SPC25: variants seen among roughly 807,000 people sequenced by gnomAD.
The protein encoded by SPC25 is kinetochore protein Spc25.
SPC25 carries 22 observed loss-of-function variants against 29.6 expected under a neutral mutation model. That is an observed-to-expected ratio of 0.74 (90% confidence interval 0.53 to 1.06). The LOEUF is 1.06. Among genes scored for constraint, SPC25 ranks in the 50% least tolerant of loss-of-function variants. The pLI is 0.00. For missense variants in SPC25, 230 were observed against 255.8 expected (o/e 0.90, Z 0.69); for synonymous variants, 91 against 90.4 (o/e 1.01, Z -0.04).
At chr2:168,869,183 A>C (rs546509869), downstream of SPC25, among the ~76,000 whole-genome samples, 31 of 152,344 alleles carry the variant, frequency 2.0e-4, no homozygotes, top group African/African-American at 6.7e-4. Context: ...CTCTCAATAA[A>C]TTAGGTATTG....
intron 3 of SPC25, among the ~76,000 whole-genome samples, chr2:168,886,872 A>G (rs1360617308): frequency 6.6e-6 from 1 of 152,160 alleles, no homozygotes; most frequent in Non-Finnish European, 1.5e-5. Flanking sequence ...TAGATTTTAG[A>G]CTATATAGAG....
At chr2:168,881,440 C>T (rs1222894208) in intron 3 of SPC25, among the ~76,000 whole-genome samples, 3 of 152,140 alleles carry the variant, frequency 2.0e-5, no homozygotes, top group Non-Finnish European at 2.9e-5. Context: ...AAGATACAAC[C>T]GCTGCTACTT....
rs368899029 is a variant in SPC25, at chr2:168,872,786, A to G, written c.550+799T>C. On this transcript the variant is annotated intron_variant, in intron 6 of 6. Transcript: ENST00000282074. ...TATTTATCTAGAGAGAAAAAAACCC[A>G]AACATCTGTATAAGAAATCAGATTC... Among the ~76,000 whole-genome samples, 13 of 152,198 alleles carry G rather than the reference A, an allele frequency of 8.5e-5. No homozygotes were observed. In the East Asian group the frequency reaches 1.3e-3, roughly 16 times the overall value.
Position 168,877,298 on chromosome 2 carries a change from A to G in SPC25, c.286T>C (p.Leu96=), listed in dbSNP as rs375475089. 2.4e-5 allele frequency: 39 copies of G among 1,613,772 alleles called. No homozygotes were observed. Among genetic ancestry groups the G allele is most frequent in the Admixed American group, 1.2e-4 (7 of 59,972 alleles). Residue 96 remains leucine, a synonymous_variant, in exon 4 of 7, where the codon TTG becomes CTG. Transcript: ENST00000282074. ...TGGATATTTGCAGTCAGTACTTCCA[A>G]TTCCTGCTTTTTGCCTTTTACTTCA... The part of the protein sequence containing the change: ...IAEVKGKKQE[L]EVLTANIQDL...
At chr2:168,871,960 TAA>T (rs35221029) in intron 6 of SPC25, among the ~76,000 whole-genome samples, 4 of 144,104 alleles carry the variant, frequency 2.8e-5, no homozygotes, top group African/African-American at 2.5e-5. Context: ...CCACTGGAAT[TAA>T]AAAAAAAAAA....
chr2:168,862,446 T>C (rs1415541821), intron 4 of SPC25, among the ~76,000 whole-genome samples: 1 of 152,188 alleles, frequency 6.6e-6, no homozygotes, highest in Non-Finnish European at 1.5e-5. Context: ...TAGGGTAGAA[T>C]GTCAGTGATG....
chr2:168,869,064 A>G (rs1005392702), downstream of SPC25, among the ~76,000 whole-genome samples: 22 of 152,232 alleles, frequency 1.4e-4, no homozygotes, highest in Admixed American at 1.0e-3. Context: ...ACGAAAATCA[A>G]TAAACGTAAT....
downstream of SPC25, among the ~76,000 whole-genome samples, chr2:168,869,539 C>T (rs903560734): frequency 6.6e-6 from 1 of 152,154 alleles, no homozygotes; most frequent in East Asian, 1.9e-4. Context: ...GTGCAAAAAT[C>T]ACAAGCATTT....
downstream of SPC25, among the ~76,000 whole-genome samples, chr2:168,867,383 C>G (rs1414490980): frequency 6.6e-6 from 1 of 152,128 alleles, no homozygotes; most frequent in East Asian, 1.9e-4. Flanking sequence ...TCACACATGA[C>G]AATATTAACT....
Position 168,870,978 on chromosome 2 carries a change from C to T in SPC25, c.*453G>A, listed in dbSNP as rs1422978257. 1 of 151,954 alleles carries T rather than the reference C, an allele frequency of 6.6e-6. No individual in the cohort carries two copies. Among genetic ancestry groups the T allele is most frequent in the Non-Finnish European group, 1.5e-5 (1 of 68,092 alleles). The allele number at this position is 151,954 out of a possible 1,614,324, so 9.4% of individuals were successfully genotyped here. On this transcript the variant is annotated 3_prime_UTR_variant, in exon 7 of 7. Transcript: ENST00000282074. ...AACCCAAATGTCCAACAATGATAGACTGGATTAAGAAAATGTGGCACATAT... is the reference window on the plus strand; with the variant it reads ...AACCCAAATGTCCAACAATGATAGATTGGATTAAGAAAATGTGGCACATAT...
chr2:168,873,731 T>TA, intron 5 of SPC25, 48 bp from the exon 6 acceptor site: 1 of 1,173,686 alleles, frequency 8.5e-7, no homozygotes. Flanking sequence ...TCAATGGAGA[T>TA]ACCCTTTCTT....
chr2:168,865,708 T>C (rs1689824574), intron 4 of SPC25, among the ~76,000 whole-genome samples: 1 of 152,226 alleles, frequency 6.6e-6, no homozygotes, highest in Admixed American at 6.5e-5. Context: ...CATGATTGTA[T>C]ATCTAGAAAA....
At chr2:168,883,624 G>C (rs1690212221) in intron 3 of SPC25, among the ~76,000 whole-genome samples, 1 of 152,134 alleles carries the variant, frequency 6.6e-6, no homozygotes, top group African/African-American at 2.4e-5. Flanking sequence ...ACTGGGGTTA[G>C]AGTATCCAGT....
chr2:168,866,784 A>AAAACAAAC (rs199523938), downstream of SPC25, among the ~76,000 whole-genome samples: 3 of 149,254 alleles, frequency 2.0e-5, no homozygotes, highest in Non-Finnish European at 4.5e-5. Flanking sequence ...TTACAAGAAA[A>AAAACAAAC]AAACAACCAC....
At chr2:168,877,523 T>C (rs994943220) in intron 3 of SPC25, 139 bp from the exon 4 acceptor site, 9 of 1,010,500 alleles carry the variant, frequency 8.9e-6, no homozygotes, top group Non-Finnish European at 1.3e-5. Flanking sequence ...GATTCAAAAT[T>C]ATAAAAGACA....
downstream of SPC25, among the ~76,000 whole-genome samples, chr2:168,866,098 T>C (rs1051753074): frequency 1.3e-5 from 2 of 152,304 alleles, no homozygotes; most frequent in African/African-American, 4.8e-5. Flanking sequence ...CCAATGACTT[T>C]CTTCACAAAA....
chr2:168,875,661 T>C (rs1337131420), intron 5 of SPC25, among the ~76,000 whole-genome samples: 1 of 151,978 alleles, frequency 6.6e-6, no homozygotes, highest in African/African-American at 2.4e-5. Context: ...CTGAAAAAAA[T>C]GGCAGAATCC....
At position 168,871,529 on chromosome 2, in the gene SPC25, C is replaced by T. The variant is rs1379135730; in HGVS notation, c.577G>A (p.Gly193Ser). Residue 193 changes from glycine (G) to serine (S), a missense_variant, in exon 7 of 7, where the codon GGC becomes AGC. Physicochemically the swap from Gly to Ser is moderately conservative, Grantham distance 56. Coordinates refer to ENST00000282074, the MANE Select transcript of SPC25 (RefSeq NM_020675.4). Reference sequence around the variant, plus strand: ...ACATTCTCTTGAAATTCTGCTAGGCCCTCAAGATGAGGGGCACTATCTGAC... The same window carrying T: ...ACATTCTCTTGAAATTCTGCTAGGCTCTCAAGATGAGGGGCACTATCTGAC... ...EVSDSAPHLE[G>S]LAEFQENVRK... 1.3e-6 allele frequency: 2 copies of T among 1,597,090 alleles called. No homozygotes were observed. The highest frequency in any genetic ancestry group is 2.3e-5 in the South Asian group (2 of 86,984).
chr2:168,878,001 C>A (rs1368405725), intron 3 of SPC25, among the ~76,000 whole-genome samples: 1 of 152,102 alleles, frequency 6.6e-6, no homozygotes, highest in Admixed American at 6.6e-5. Context: ...GCCTGGCCAA[C>A]AACCAAACTC....
Sources: gnomAD v4.1 joint callset for allele counts (sites outside exome capture counted in the v4.1 genomes callset) on GRCh38, gnomAD v4.1.1 for gene constraint, MANE v1.5 for transcripts, NCBI Gene and HGNC (gene_info 2026-07-23, HGNC 2026-07-21) for gene names.